The following RAP1GAP2 variants were observed in gnomAD, a reference collection of about 807,000 sequenced individuals.
RAP1GAP2 encodes the protein RAP1 GTPase activating protein 2, also known as rap1 GTPase-activating protein 2.
Under a neutral mutation model 95.0 loss-of-function variants are expected in RAP1GAP2, and 27 were observed. That is an observed-to-expected ratio of 0.28 (90% confidence interval 0.21 to 0.39). RAP1GAP2 has a LOEUF of 0.39. Among genes scored for constraint, RAP1GAP2 ranks in the 10% least tolerant of loss-of-function variants. RAP1GAP2 has a pLI of 1.00. For missense variants in RAP1GAP2, 771 were observed against 970.0 expected (o/e 0.79, Z 2.72); for synonymous variants, 373 against 380.9 (o/e 0.98, Z 0.24).
chr17:2,797,485 C>T lies in RAP1GAP2; in HGVS notation c.44+914C>T, dbSNP rs1039863618. 2.0e-5 allele frequency among the ~76,000 whole-genome samples: 3 copies of T among 150,960 alleles called. No individual in the cohort carries two copies. Among genetic ancestry groups the T allele is most frequent in the South Asian group, 2.1e-4 (1 of 4,742 alleles). On this transcript the variant is annotated intron_variant, in intron 1 of 24. Transcript: ENST00000254695. The surrounding 1 kb of genome is among the most constrained non-coding windows in gnomAD (Gnocchi z 5.6). ...GCGTTGTCAGACTGGGAGAGGGCCC[C>T]GCGGGAGGTGGCCGGGGGGTGTCCC... is the stretch of plus-strand genomic sequence containing the variant.
chr17:2,831,894 C>G (rs943783135), intron 2 of RAP1GAP2, among the ~76,000 whole-genome samples: 9 of 151,572 alleles, frequency 5.9e-5, no homozygotes, highest in Non-Finnish European at 1.0e-4. Flanking sequence ...GACCCTGTCT[C>G]AAAAAACAAC....
rs891984333 is a variant in RAP1GAP2, at chr17:2,885,028, CTTTTTTTTTTTTT to C, written c.81-20245_81-20233del. 7.0e-4 allele frequency among the ~76,000 whole-genome samples: 79 copies of C among 112,498 alleles called. 1 individual carries two copies. The highest frequency in any genetic ancestry group is 2.2e-3 in the African/African-American group (60 of 27,604). 73.8% of individuals were successfully genotyped at this position (112,498 alleles called of 152,430 possible). On this transcript the variant is annotated intron_variant, in intron 2 of 24. Coordinates refer to ENST00000254695, the MANE Select transcript of RAP1GAP2 (RefSeq NM_015085.5). ...ATAGGCACATTTCTTTTATTTCTTT[CTTTTTTTTTTTTT>C]TTTTTTTTTTGAGATGGAGTCTCGC...
At chr17:2,896,963 T>C (rs1416782615) in intron 2 of RAP1GAP2, among the ~76,000 whole-genome samples, 1 of 152,222 alleles carries the variant, frequency 6.6e-6, no homozygotes, top group African/African-American at 2.4e-5. Flanking sequence ...GCTCTCTGTC[T>C]GCTCTATGCA....
At position 2,877,359 on chromosome 17, in the gene RAP1GAP2, G is replaced by A. The variant is rs535539304; in HGVS notation, c.81-27925G>A. Among the ~76,000 whole-genome samples the A allele has an allele frequency of 9.2e-5, 14 of 152,286 alleles. No individual in the cohort carries two copies. In the East Asian group the frequency reaches 9.7e-4, roughly 10 times the overall value. On this transcript the variant is annotated intron_variant, in intron 2 of 24. Coordinates refer to ENST00000254695, the MANE Select transcript of RAP1GAP2 (RefSeq NM_015085.5). Reference sequence around the variant, plus strand: ...GGAACCTTTCAGCCAGCCTCCCTGCGGCCATGTTTTTCCCCTTACAGTCCG... The same window carrying A: ...GGAACCTTTCAGCCAGCCTCCCTGCAGCCATGTTTTTCCCCTTACAGTCCG...
intron 2 of RAP1GAP2, among the ~76,000 whole-genome samples, chr17:2,808,892 A>G (rs2069635379): frequency 6.6e-6 from 1 of 152,160 alleles, no homozygotes; most frequent in African/African-American, 2.4e-5. Flanking sequence ...GTGGGTGCCT[A>G]TGTGGTGCCT....
intron 2 of RAP1GAP2, among the ~76,000 whole-genome samples, chr17:2,894,624 TATC>T (rs1205425674): frequency 3.3e-5 from 5 of 152,084 alleles, no homozygotes; most frequent in Non-Finnish European, 7.4e-5. Flanking sequence ...AAGAGAGCCT[TATC>T]ATCTGCCTCT....
At chr17:2,795,525 C>T (rs563068197), upstream of RAP1GAP2, among the ~76,000 whole-genome samples, 2 of 149,782 alleles carry the variant, frequency 1.3e-5, no homozygotes, top group Admixed American at 6.6e-5. Context: ...TGGGTACCGC[C>T]CCCCCACCCC....
At chr17:2,879,523 C>T (rs73312020) in intron 2 of RAP1GAP2, among the ~76,000 whole-genome samples, 1 of 149,258 alleles carries the variant, frequency 6.7e-6, no homozygotes, top group African/African-American at 2.4e-5. Context: ...ATCAGGAGTT[C>T]AAGACCAGCC....
intron 3 of RAP1GAP2, among the ~76,000 whole-genome samples, chr17:2,935,295 A>T (rs1233468885): frequency 9.9e-5 from 15 of 152,164 alleles, no homozygotes; most frequent in Admixed American, 9.8e-4. Context: ...ATCACCTGAG[A>T]TCAGGAGCTC....
At chr17:2,959,413 G>C (rs961639919) in intron 4 of RAP1GAP2, among the ~76,000 whole-genome samples, 1 of 152,168 alleles carries the variant, frequency 6.6e-6, no homozygotes, top group Non-Finnish European at 1.5e-5. Flanking sequence ...TTTCAGTTGA[G>C]ACTGTTGAAG....
chr17:2,889,710 T>G (rs2073624124), intron 2 of RAP1GAP2, among the ~76,000 whole-genome samples: 1 of 131,740 alleles, frequency 7.6e-6, no homozygotes, highest in African/African-American at 2.9e-5. Context: ...TGAGATGGAG[T>G]CTCACTCTGT....
rs996341822 is a variant in RAP1GAP2 at position 3,005,872 on chromosome 17, C to G, written c.1273-83C>G. The G allele has an allele frequency of 2.0e-4, 267 of 1,329,078 alleles. No individual in the cohort carries two copies. Among genetic ancestry groups the G allele is most frequent in the Non-Finnish European group, 2.7e-4 (245 of 920,584 alleles). The allele number at this position is 1,329,078 out of a possible 1,614,324, so 82.3% of individuals were successfully genotyped here. On this transcript the variant is annotated intron_variant, in intron 15 of 24. Transcript: ENST00000254695. This position sits in a 1 kb window ranked among gnomAD's most constrained non-coding sequence, Gnocchi z 5.2. ...TCAGGGGTTCTCCCCATGGCCCCGG[C>G]TCTGCCTGCCTGTCACTGTGGCTGA...
intron 8 of RAP1GAP2, among the ~76,000 whole-genome samples, chr17:2,974,074 T>G (rs2044990352): frequency 6.6e-6 from 1 of 151,666 alleles, no homozygotes; most frequent in South Asian, 2.1e-4. Context: ...GGGCGTGGTG[T>G]CTCATGCCTG....
intron 18 of RAP1GAP2, among the ~76,000 whole-genome samples, chr17:3,018,652 C>T (rs1463289870): frequency 1.3e-5 from 2 of 152,190 alleles, no homozygotes; most frequent in Non-Finnish European, 2.9e-5. Context: ...ACAATCTCAC[C>T]TGCTTCCCAT....
intron 3 of RAP1GAP2, among the ~76,000 whole-genome samples, chr17:2,935,898 C>G (rs1009089419): frequency 6.6e-6 from 1 of 152,084 alleles, no homozygotes; most frequent in African/African-American, 2.4e-5. Context: ...GGAAACGCGG[C>G]CGATCTGGCG....
At chr17:2,768,292 G>T (rs2068315052) in intron 1 of RAP1GAP2, among the ~76,000 whole-genome samples, 1 of 152,212 alleles carries the variant, frequency 6.6e-6, no homozygotes, top group Admixed American at 6.5e-5. Context: ...GTATCAGAGT[G>T]CCTGTTTGTA....
intron 3 of RAP1GAP2, among the ~76,000 whole-genome samples, chr17:2,916,746 C>T (rs774293026): frequency 6.6e-6 from 1 of 152,172 alleles, no homozygotes; most frequent in Non-Finnish European, 1.5e-5. Flanking sequence ...GTGACGATGG[C>T]GATGGTGGCG....
chr17:2,820,060 C>A (rs551587447), intron 2 of RAP1GAP2, among the ~76,000 whole-genome samples: 67 of 152,254 alleles, frequency 4.4e-4, no homozygotes, highest in African/African-American at 1.6e-3. Flanking sequence ...GGATTACAGG[C>A]GGGAGCCACC....
intron 2 of RAP1GAP2, among the ~76,000 whole-genome samples, chr17:2,874,983 G>A (rs1270722529): frequency 2.0e-5 from 3 of 152,298 alleles, no homozygotes; most frequent in African/African-American, 2.4e-5. Flanking sequence ...GTTTGCTCGG[G>A]CCAAAGTTGA....
Sources: allele counts gnomAD v4.1 joint callset (sites outside exome capture counted in the v4.1 genomes callset), GRCh38; gene constraint gnomAD v4.1.1; non-coding constraint Gnocchi (gnomAD v3.1); transcripts MANE v1.5; gene names NCBI Gene and HGNC (gene_info 2026-07-23, HGNC 2026-07-21).